The following KIF6 variants were observed in gnomAD, a reference collection of about 807,000 sequenced individuals.
KIF6 encodes the protein kinesin family member 6.
Under a neutral mutation model 112.7 loss-of-function variants are expected in KIF6, and 106 were observed. The observed-to-expected ratio is 0.94, with a 90% CI of 0.80 to 1.11. KIF6 has a LOEUF of 1.11. Among genes scored for constraint, KIF6 ranks in the 50% least tolerant of loss-of-function variants. The pLI is 0.00. For synonymous variants in KIF6, 339 were observed against 339.9 expected (o/e 1.00, Z 0.03); for missense variants, 929 against 964.0 (o/e 0.96, Z 0.48).
At position 39,663,878 on chromosome 6, in the gene KIF6, C is replaced by A. The variant is rs186118591; in HGVS notation, c.252-24121G>T. ...GTGGCAGAGATCACATCACATGAGA[C>A]AGTGTAGTTTTAAGAAAGAAATGTA... On this transcript the variant is annotated intron_variant, in intron 3 of 22. Coordinates refer to ENST00000287152, the MANE Select transcript of KIF6 (RefSeq NM_145027.6). Among the ~76,000 whole-genome samples the A allele has an allele frequency of 9.6e-4, 145 of 151,730 alleles. No homozygotes were observed. In the Middle Eastern group the frequency reaches 0.014, roughly 14 times the overall value.
At chr6:39,602,967 G>A (rs1346045491) in intron 6 of KIF6, among the ~76,000 whole-genome samples, 2 of 152,176 alleles carry the variant, frequency 1.3e-5, no homozygotes, top group South Asian at 2.1e-4. Flanking sequence ...CATATAGACA[G>A]TCATTAATAT....
chr6:39,484,840 A>G (rs1341073895), intron 13 of KIF6, among the ~76,000 whole-genome samples: 1 of 152,124 alleles, frequency 6.6e-6, no homozygotes, highest in African/African-American at 2.4e-5. Flanking sequence ...GGAGCCACTT[A>G]GATGGGAAGC....
chr6:39,599,679 G>T (rs1782472713), intron 6 of KIF6, among the ~76,000 whole-genome samples: 1 of 152,170 alleles, frequency 6.6e-6, no homozygotes, highest in African/African-American at 2.4e-5. Flanking sequence ...TTAAACATGG[G>T]TTTCATTTCA....
intron 16 of KIF6, among the ~76,000 whole-genome samples, chr6:39,376,223 A>G (rs1766429259): frequency 6.6e-6 from 1 of 152,186 alleles, no homozygotes; most frequent in African/African-American, 2.4e-5. Flanking sequence ...ATCCTGCCTT[A>G]TTTCAAGGAG....
chr6:39,351,530 A>G (rs540101247), intron 19 of KIF6, among the ~76,000 whole-genome samples: 1 of 152,116 alleles, frequency 6.6e-6, no homozygotes, highest in Non-Finnish European at 1.5e-5. Context: ...CTGGGATTAC[A>G]GGCATGAACC....
intron 13 of KIF6, among the ~76,000 whole-genome samples, chr6:39,436,082 C>T (rs550721031): frequency 6.6e-5 from 10 of 152,058 alleles, no homozygotes; most frequent in South Asian, 2.1e-4. Flanking sequence ...GGTATTTCAT[C>T]GTGGTTTTAA....
intron 10 of KIF6, among the ~76,000 whole-genome samples, chr6:39,552,125 A>T (rs1457098541): frequency 6.6e-6 from 1 of 152,240 alleles, no homozygotes; most frequent in Non-Finnish European, 1.5e-5. Context: ...ACACAAGAAT[A>T]CATACACATC....
intron 5 of KIF6, among the ~76,000 whole-genome samples, chr6:39,625,635 C>T (rs1213203337): frequency 6.6e-6 from 1 of 152,218 alleles, no homozygotes; most frequent in East Asian, 1.9e-4. Context: ...CCCCTCAAAT[C>T]CCCATAGGAG....
chr6:39,548,428 T>C (rs958823420), intron 10 of KIF6, among the ~76,000 whole-genome samples: 18 of 152,250 alleles, frequency 1.2e-4, no homozygotes, highest in African/African-American at 2.4e-5. Flanking sequence ...CTGATCGCTT[T>C]ACTCTTTCTG....
chr6:39,599,088 C>A (rs1210254188), intron 6 of KIF6, among the ~76,000 whole-genome samples: 1 of 152,070 alleles, frequency 6.6e-6, no homozygotes, highest in Non-Finnish European at 1.5e-5. Context: ...AGAAGCAAAT[C>A]CTGGATTGGA....
chr6:39,457,031 C>T (rs1437074063), intron 13 of KIF6, among the ~76,000 whole-genome samples: 2 of 141,044 alleles, frequency 1.4e-5, no homozygotes, highest in African/African-American at 5.5e-5. Context: ...TAATAGACAT[C>T]TACAGAACTC....
chr6:39,387,211 A>T (rs1767502082), intron 15 of KIF6, among the ~76,000 whole-genome samples: 1 of 152,212 alleles, frequency 6.6e-6, no homozygotes, highest in South Asian at 2.1e-4. Flanking sequence ...GTGGAGTTGC[A>T]TCTGCTTCCC....
At chr6:39,542,999 C>T (rs111656594) in intron 12 of KIF6, among the ~76,000 whole-genome samples, 4,244 of 152,268 alleles carry the variant, frequency 0.028, 94 homozygotes, top group Middle Eastern at 0.041. Context: ...GGTAACCCCA[C>T]ATGAATGGTG....
At chr6:39,468,801 T>C (rs1773951772) in intron 13 of KIF6, among the ~76,000 whole-genome samples, 1 of 151,900 alleles carries the variant, frequency 6.6e-6, no homozygotes, top group Non-Finnish European at 1.5e-5. Context: ...AGTAATTATA[T>C]AGGTAATTAT....
intron 13 of KIF6, among the ~76,000 whole-genome samples, chr6:39,515,752 G>A (rs1407955681): frequency 6.6e-6 from 1 of 152,132 alleles, no homozygotes; most frequent in Non-Finnish European, 1.5e-5. Flanking sequence ...GACTGACTCT[G>A]GAGAAATACT....
At chr6:39,438,266 G>A (rs953761386) in intron 13 of KIF6, among the ~76,000 whole-genome samples, 7 of 152,278 alleles carry the variant, frequency 4.6e-5, no homozygotes, top group East Asian at 3.9e-4. Flanking sequence ...GAGCCACTGC[G>A]CCTGGCCTAT....
intron 4 of KIF6, among the ~76,000 whole-genome samples, chr6:39,636,084 A>T (rs1382181232): frequency 6.6e-6 from 1 of 152,002 alleles, no homozygotes; most frequent in African/African-American, 2.4e-5. Flanking sequence ...ATAAATAAAA[A>T]GCTGGACTCC....
At chr6:39,611,428 T>C (rs1424621552) in intron 6 of KIF6, among the ~76,000 whole-genome samples, 1 of 152,186 alleles carries the variant, frequency 6.6e-6, no homozygotes, top group African/African-American at 2.4e-5. Flanking sequence ...CCTGAAACCA[T>C]GTAGTTAAAG....
At chr6:39,355,459 CTTTT>C (rs574801087) in intron 19 of KIF6, among the ~76,000 whole-genome samples, 1 of 82,750 alleles carries the variant, frequency 1.2e-5, no homozygotes, top group Non-Finnish European at 2.3e-5. Flanking sequence ...TTTAAGAAGT[CTTTT>C]TTTTTTTTTT....
Sources: allele counts gnomAD v4.1 joint callset (sites outside exome capture counted in the v4.1 genomes callset), GRCh38; gene constraint gnomAD v4.1.1; transcripts MANE v1.5; gene names NCBI Gene and HGNC (gene_info 2026-07-23, HGNC 2026-07-21).